ARHGAP10: variants seen among roughly 807,000 people sequenced by gnomAD.
The protein encoded by ARHGAP10 is Rho GTPase activating protein 10.
ARHGAP10 carries 87 observed loss-of-function variants against 108.6 expected under a neutral mutation model. The ratio of observed to expected loss-of-function variants is 0.80; its 90% confidence interval spans 0.67 to 0.96. The LOEUF (loss-of-function observed/expected upper bound fraction) is 0.96, where lower values mean the gene tolerates loss of function less well. Ranked by LOEUF, ARHGAP10 falls within the 40% of genes least tolerant of loss-of-function variation. The probability of loss-of-function intolerance (pLI) is 0.00; values close to 1 mark genes in which losing one functional copy is unlikely to be tolerated. For synonymous variants in ARHGAP10, 347 were observed against 341.1 expected (o/e 1.02, Z -0.19); for missense variants, 939 against 954.5 (o/e 0.98, Z 0.21).
At chr4:147,821,157 C>T (rs1732484090) in intron 1 of ARHGAP10, among the ~76,000 whole-genome samples, 1 of 152,228 alleles carries the variant, frequency 6.6e-6, no homozygotes, top group Admixed American at 6.5e-5. Context: ...GGCTTGTTCT[C>T]GTGAAGGACT....
At chr4:147,778,957 T>C (rs933612844) in intron 1 of ARHGAP10, among the ~76,000 whole-genome samples, 1 of 152,134 alleles carries the variant, frequency 6.6e-6, no homozygotes, top group Non-Finnish European at 1.5e-5. Context: ...TCCTGTGAAC[T>C]AAGGTACTGA....
intron 18 of ARHGAP10, among the ~76,000 whole-genome samples, chr4:148,022,523 G>A (rs1385170652): frequency 6.6e-6 from 1 of 152,190 alleles, no homozygotes; most frequent in Non-Finnish European, 1.5e-5. Context: ...TCTATTATCA[G>A]TCACCTCTGT....
intron 10 of ARHGAP10, among the ~76,000 whole-genome samples, chr4:147,904,486 G>C (rs1736379532): frequency 6.6e-6 from 1 of 150,532 alleles, no homozygotes; most frequent in Non-Finnish European, 1.5e-5. Flanking sequence ...TGCAGTGTTT[G>C]GTTTTTTGTC....
chr4:147,799,202 T>G (rs1466964823), intron 1 of ARHGAP10, among the ~76,000 whole-genome samples: 1 of 151,924 alleles, frequency 6.6e-6, no homozygotes, highest in African/African-American at 2.4e-5. Flanking sequence ...GCCTGGCTAA[T>G]TTTTGTATTT....
At chr4:148,027,564 C>T (rs745738019) in intron 19 of ARHGAP10, among the ~76,000 whole-genome samples, 2 of 152,256 alleles carry the variant, frequency 1.3e-5, no homozygotes, top group South Asian at 2.1e-4. Flanking sequence ...AACAATGACA[C>T]GTGATCATTT....
intron 1 of ARHGAP10, among the ~76,000 whole-genome samples, chr4:147,820,948 C>A (rs1732470230): frequency 6.6e-6 from 1 of 152,128 alleles, no homozygotes; most frequent in African/African-American, 2.4e-5. Context: ...GTTATCTTTT[C>A]AATTACCCTC....
At chr4:147,820,704 C>T (rs1732460323) in intron 1 of ARHGAP10, among the ~76,000 whole-genome samples, 1 of 148,164 alleles carries the variant, frequency 6.7e-6, no homozygotes, top group South Asian at 2.2e-4. Flanking sequence ...GATTCTCGTG[C>T]CTCAGCCTCC....
intron 4 of ARHGAP10, among the ~76,000 whole-genome samples, chr4:147,852,716 T>C (rs902429826): frequency 0.03 from 871 of 29,460 alleles, 12 homozygotes; most frequent in African/African-American, 0.05. Context: ...TTTTTTTTTT[T>C]TTTTTTTTTT....
chr4:147,762,231 C>T (rs1729617363), intron 1 of ARHGAP10, among the ~76,000 whole-genome samples: 1 of 152,116 alleles, frequency 6.6e-6, no homozygotes, highest in Admixed American at 6.6e-5. Flanking sequence ...TTGTCTTGAA[C>T]CCCTGGCCTC....
intron 20 of ARHGAP10, among the ~76,000 whole-genome samples, chr4:148,051,087 G>A (rs533232337): frequency 5.4e-4 from 83 of 152,354 alleles, no homozygotes; most frequent in African/African-American, 1.7e-3. Flanking sequence ...TACAGCAGCC[G>A]TGGTTCTGAC....
intron 3 of ARHGAP10, among the ~76,000 whole-genome samples, chr4:147,839,545 A>G (rs1407524609): frequency 6.6e-6 from 1 of 152,234 alleles, no homozygotes; most frequent in East Asian, 1.9e-4. Flanking sequence ...GAGACTTTAG[A>G]AAATTGTTAC....
chr4:147,955,291 A>T (rs757440297), intron 15 of ARHGAP10, 25 bp from the exon 16 acceptor site: 4 of 1,593,494 alleles, frequency 2.5e-6, no homozygotes, highest in Non-Finnish European at 3.4e-6. Flanking sequence ...TTATTTGATA[A>T]TTCTGAGCTG....
chr4:147,777,313 C>T (rs1264169152), intron 1 of ARHGAP10, among the ~76,000 whole-genome samples: 2 of 150,274 alleles, frequency 1.3e-5, no homozygotes, highest in East Asian at 3.9e-4. Flanking sequence ...GGCTGGAGTG[C>T]AGTGGCGCGA....
chr4:147,966,692 C>T lies in ARHGAP10; in HGVS notation c.1569C>T (p.His523=). Residue 523 remains histidine (H), a synonymous_variant, in exon 18 of 23, where the codon CAC becomes CAT. Transcript: ENST00000336498. Reference sequence around the variant, plus strand: ...TTACCAATTTCAGTGTTTCAAATCACTCCAAGCAGAACCTGATGACTGTGG... The same window carrying T: ...TTACCAATTTCAGTGTTTCAAATCATTCCAAGCAGAACCTGATGACTGTGG... ...LVKHLTNVSN[H]SKQNLMTVAN... 2 of 1,577,526 alleles carry T rather than the reference C, an allele frequency of 1.3e-6. No individual in the cohort carries two copies. The highest frequency in any genetic ancestry group is 1.7e-4 in the Middle Eastern group (1 of 5,902).
chr4:147,809,955 A>G (rs1404566737), intron 1 of ARHGAP10, among the ~76,000 whole-genome samples: 2 of 152,316 alleles, frequency 1.3e-5, no homozygotes, highest in South Asian at 2.1e-4. Context: ...TGTTTTTAAT[A>G]TATGCTAAAT....
chr4:147,855,574 A>G (rs930539388), intron 4 of ARHGAP10, among the ~76,000 whole-genome samples: 4 of 152,034 alleles, frequency 2.6e-5, no homozygotes, highest in African/African-American at 7.3e-5. Flanking sequence ...ATTTCTACAC[A>G]TGGGTGAACC....
intron 15 of ARHGAP10, among the ~76,000 whole-genome samples, chr4:147,948,179 C>G (rs1738460347): frequency 6.6e-6 from 1 of 151,976 alleles, no homozygotes; most frequent in African/African-American, 2.4e-5. Context: ...CTCAGGTGAT[C>G]TATCCGCCTT....
chr4:147,771,077 A>G (rs1046899260), intron 1 of ARHGAP10, among the ~76,000 whole-genome samples: 1 of 152,030 alleles, frequency 6.6e-6, no homozygotes, highest in Non-Finnish European at 1.5e-5. Context: ...TAAAGACCCT[A>G]TGTTCCCTGT....
chr4:147,941,467 G>T (rs1264925025), intron 14 of ARHGAP10, among the ~76,000 whole-genome samples: 1 of 152,112 alleles, frequency 6.6e-6, no homozygotes, highest in African/African-American at 2.4e-5. Flanking sequence ...CAAAAAATTC[G>T]TGACCTGGAA....
Sources: allele counts gnomAD v4.1 joint callset (sites outside exome capture counted in the v4.1 genomes callset), GRCh38; gene constraint gnomAD v4.1.1; transcripts MANE v1.5; gene names NCBI Gene and HGNC (gene_info 2026-07-23, HGNC 2026-07-21).